Variants in GMEB2 observed in about 807,000 individuals in gnomAD.
The protein encoded by GMEB2 is glucocorticoid modulatory element-binding protein 2.
Under a neutral mutation model 45.7 loss-of-function variants are expected in GMEB2, and 7 were observed. The ratio of observed to expected loss-of-function variants is 0.15; its 90% CI spans 0.09 to 0.29. The LOEUF (loss-of-function observed/expected upper bound fraction) is 0.29. GMEB2 is among the 10% of genes least tolerant of loss of function. The probability of loss-of-function intolerance (pLI) is 1.00; values close to 1 mark genes in which losing one functional copy is unlikely to be tolerated. For missense variants in GMEB2, 582 were observed against 739.2 expected, an observed-to-expected ratio of 0.79 and a Z score of 2.47; for synonymous variants, 322 against 323.6, an observed-to-expected ratio of 1.00 and a Z score of 0.05.
chr20:63,590,015 T>G lies in GMEB2; in HGVS notation c.*74A>C. ...ACCTGCCCGAGCCAGCCCTGCGGCC[T>G]CTGCCCGCTCCCTGCTGCCGCGGCT... On this transcript the variant is annotated 3_prime_UTR_variant, in exon 10 of 10. Coordinates refer to ENST00000370077, the MANE Select transcript of GMEB2 (RefSeq NM_012384.5). The G allele has an allele frequency of 7.3e-7, 1 of 1,373,108 alleles. No individual in the cohort carries two copies. The highest frequency in any genetic ancestry group is 9.7e-7 in the Non-Finnish European group (1 of 1,035,816). The allele number at this position is 1,373,108 out of a possible 1,614,324, so 85.1% of individuals were successfully genotyped here.
intron 2 of GMEB2, among the ~76,000 whole-genome samples, chr20:63,606,085 G>A (rs2089516903): frequency 6.6e-6 from 1 of 152,048 alleles, no homozygotes; most frequent in South Asian, 2.1e-4. Context: ...TACTTCATAT[G>A]GCTATAGAAA....
At chr20:63,602,495 C>A (rs1466590952) in intron 4 of GMEB2, among the ~76,000 whole-genome samples, 5 of 152,256 alleles carry the variant, frequency 3.3e-5, no homozygotes, top group Non-Finnish European at 2.9e-5. Context: ...AATTCTGTCA[C>A]CATTAGGTCC....
intron 4 of GMEB2, among the ~76,000 whole-genome samples, chr20:63,601,537 CTTTTT>C (rs34916384): frequency 1.4e-5 from 2 of 145,050 alleles, no homozygotes; most frequent in Non-Finnish European, 3.0e-5. Context: ...GCTCTCTTTT[CTTTTT>C]TTTTTTTTTA....
chr20:63,613,040 C>A (rs2089582425), intron 2 of GMEB2, among the ~76,000 whole-genome samples: 3 of 151,570 alleles, frequency 2.0e-5, no homozygotes, highest in South Asian at 4.2e-4. Context: ...TGGCTCACTG[C>A]AAGCTCTGCC....
chr20:63,611,429 T>C (rs1299491330), intron 2 of GMEB2, among the ~76,000 whole-genome samples: 3 of 152,038 alleles, frequency 2.0e-5, no homozygotes, highest in Admixed American at 1.3e-4. Flanking sequence ...CTGGCCAATA[T>C]GGTGAAACCC....
intron 5 of GMEB2, among the ~76,000 whole-genome samples, chr20:63,597,158 A>G (rs1018573923): frequency 3.3e-5 from 4 of 121,144 alleles, no homozygotes; most frequent in African/African-American, 1.2e-4. Context: ...TTTCCTTTTT[A>G]TTCTTGTTTT....
intron 2 of GMEB2, among the ~76,000 whole-genome samples, chr20:63,610,562 A>G (rs1258199630): frequency 2.0e-5 from 3 of 152,138 alleles, no homozygotes; most frequent in Admixed American, 6.6e-5. Context: ...AGCAAGAGGA[A>G]GTCTCAATTT....
chr20:63,590,387 G>C lies in GMEB2; in HGVS notation c.1295C>G (p.Thr432Arg). The C allele has an allele frequency of 6.3e-7, 1 of 1,593,314 alleles. No individual in the cohort carries two copies. Among genetic ancestry groups the C allele is most frequent in the South Asian group, 1.1e-5 (1 of 90,328 alleles). The stretch of plus-strand genomic sequence containing the variant: ...GGTGGAGCCGGAAGAGGCCAAGACT[G>C]TGTATCCCCCGAGCAGCGGGGAGGC... ...SPASPLLGGY[T>R]VLASSGSTYP... Residue 432 changes from threonine to arginine, a missense_variant, in exon 10 of 10, where the codon ACA (threonine) becomes AGA (arginine). Physicochemically the swap from Thr to Arg is moderately conservative, Grantham distance 71. Transcript: ENST00000370077.
chr20:63,610,847 C>T (rs969852703), intron 2 of GMEB2, among the ~76,000 whole-genome samples: 9 of 152,312 alleles, frequency 5.9e-5, no homozygotes, highest in Non-Finnish European at 1.3e-4. Context: ...TGACTTTGGG[C>T]CAAGCTTTGA....
At chr20:63,625,364 G>C (rs147646275) in intron 1 of GMEB2, among the ~76,000 whole-genome samples, 1 of 151,872 alleles carries the variant, frequency 6.6e-6, no homozygotes, top group African/African-American at 2.4e-5. Context: ...GTAGAGACGG[G>C]GTTTCATCAT....
intron 2 of GMEB2, among the ~76,000 whole-genome samples, chr20:63,616,522 C>T (rs545668860): frequency 2.2e-4 from 34 of 152,354 alleles, no homozygotes; most frequent in African/African-American, 8.2e-4. Flanking sequence ...GAAGAGCTTC[C>T]AAAGTGTAAA....
intron 5 of GMEB2, 146 bp from the exon 6 acceptor site, chr20:63,595,913 T>G (rs2083195986): frequency 1.5e-6 from 1 of 675,724 alleles, no homozygotes. Flanking sequence ...GGGCTCTACT[T>G]CCCTCTTAGC....
At chr20:63,595,540 G>A (rs937070555) in intron 6 of GMEB2, 70 bp downstream of exon 6, 25 of 1,423,514 alleles carry the variant, frequency 1.8e-5, no homozygotes, top group East Asian at 2.5e-5. Flanking sequence ...AGGCCACCCA[G>A]GGGCATGTCA....
chr20:63,624,291 T>C (rs1197144954), intron 1 of GMEB2, among the ~76,000 whole-genome samples: 1 of 148,612 alleles, frequency 6.7e-6, no homozygotes, highest in East Asian at 2.0e-4. Context: ...TGGCCGGGCA[T>C]GGTGGCGGGT....
At chr20:63,598,334 TCTCA>T (rs1435225015) in intron 4 of GMEB2, among the ~76,000 whole-genome samples, 1 of 115,582 alleles carries the variant, frequency 8.7e-6, no homozygotes, top group Non-Finnish European at 1.9e-5. Flanking sequence ...CGGCACCTGC[TCTCA>T]CTCTGACACA....
At position 63,604,829 on chromosome 20, in the gene GMEB2, G is replaced by A. The variant is rs753311461; in HGVS notation, c.143C>T (p.Thr48Met). 44 of 1,604,850 alleles carry A rather than the reference G, an allele frequency of 2.7e-5. No individual in the cohort carries two copies. Among genetic ancestry groups the A allele is most frequent in the Middle Eastern group, 1.6e-4 (1 of 6,070 alleles). ...TNLAPHGGDL[T>M]EDNMETENAA... ...ATTTTCTGTCTCCATGTTATCTTCCGTCAGGTCGCCCCTGGTGAAGTGAAG... is the reference window on the plus strand; with the variant it reads ...ATTTTCTGTCTCCATGTTATCTTCCATCAGGTCGCCCCTGGTGAAGTGAAG... Residue 48 changes from threonine to methionine, a missense_variant, in exon 3 of 10, where the codon ACG (threonine) becomes ATG (methionine). Physicochemically the swap from Thr to Met is moderately conservative, Grantham distance 81 (BLOSUM62 -1). This residue lies in a region of GMEB2 where 114 missense variants were observed against 123.4 expected (regional missense o/e 0.92). Transcript: ENST00000370077.
chr20:63,587,805 C>G lies in GMEB2; in HGVS notation c.*2284G>C, dbSNP rs889648894. ...CAGCCATGAAAACCCGTGTTCTGTA[C>G]GTGGTTGAGAAGGTCCTCCTCTCTG... is the stretch of plus-strand genomic sequence containing the variant. On this transcript the variant is annotated 3_prime_UTR_variant, in exon 10 of 10. Transcript: ENST00000370077. 1 of 152,408 alleles carries G rather than the reference C, an allele frequency of 6.6e-6. No homozygotes were observed. The highest frequency in any genetic ancestry group is 2.1e-4 in the South Asian group (1 of 4,836). The allele number at this position is 152,408 out of a possible 1,614,324, so 9.4% of individuals were successfully genotyped here. A position where few individuals can be genotyped will look rare whatever the true frequency, so the allele number is the denominator to read the frequency against.
intron 2 of GMEB2, among the ~76,000 whole-genome samples, chr20:63,616,977 G>A (rs2089613356): frequency 6.6e-6 from 1 of 151,694 alleles, no homozygotes; most frequent in South Asian, 2.1e-4. Context: ...ACCTTCTGGT[G>A]GTTTTTTTTT....
At chr20:63,600,729 A>AG (rs1156609618) in intron 4 of GMEB2, among the ~76,000 whole-genome samples, 1 of 151,284 alleles carries the variant, frequency 6.6e-6, no homozygotes, top group Non-Finnish European at 1.5e-5. Context: ...AAAAAAAAAA[A>AG]AAAAAAAAAA....
Sources: allele counts gnomAD v4.1 joint callset (sites outside exome capture counted in the v4.1 genomes callset), GRCh38; gene constraint gnomAD v4.1.1; regional missense constraint gnomAD v4.1.1; transcripts MANE v1.5; gene names NCBI Gene and HGNC (gene_info 2026-07-23, HGNC 2026-07-21).